Variants in NOL4L observed in about 807,000 individuals in gnomAD.
NOL4L encodes nucleolar protein 4-like.
Under a neutral mutation model 64.5 loss-of-function variants are expected in NOL4L, and 7 were observed. That is an observed-to-expected ratio of 0.11 (90% CI 0.06 to 0.20). The LOEUF is 0.20. Among genes scored for constraint, NOL4L ranks in the 10% least tolerant of loss-of-function variants. The pLI, the probability that NOL4L is intolerant of heterozygous loss-of-function variation, is 1.00. For synonymous variants in NOL4L, 413 were observed against 401.0 expected (o/e 1.03, Z -0.36); for missense variants, 680 against 967.1 (o/e 0.70, Z 3.94).
At chr20:32,455,597 G>A (rs1247743919) in intron 6 of NOL4L, among the ~76,000 whole-genome samples, 4 of 152,320 alleles carry the variant, frequency 2.6e-5, no homozygotes, top group African/African-American at 4.8e-5. Flanking sequence ...AGGAAGCAGG[G>A]GGGATGCCCA....
chr20:32,576,701 C>T (rs1249116740), intron 1 of NOL4L, among the ~76,000 whole-genome samples: 1 of 152,178 alleles, frequency 6.6e-6, no homozygotes, highest in Non-Finnish European at 1.5e-5. Context: ...TCTGCCGTCT[C>T]CCCACTCCCC....
intron 4 of NOL4L, among the ~76,000 whole-genome samples, chr20:32,504,583 GAAAA>G (rs1265330269): frequency 8.1e-5 from 12 of 147,488 alleles, no homozygotes; most frequent in African/African-American, 3.0e-4. Flanking sequence ...AAGAAAGAAA[GAAAA>G]AAACATCTCA....
At chr20:32,537,147 G>A in intron 1 of NOL4L, 1 of 982,538 alleles carries the variant, frequency 1.0e-6, no homozygotes, top group Non-Finnish European at 1.2e-6. Context: ...CGCCCGCTAT[G>A]TGCCAGGCGC....
intron 4 of NOL4L, among the ~76,000 whole-genome samples, chr20:32,505,534 T>C (rs1387095747): frequency 5.3e-5 from 8 of 152,056 alleles, no homozygotes; most frequent in Admixed American, 5.2e-4. Context: ...CCAGACAACA[T>C]GGCGAAACCA....
At position 32,474,773 on chromosome 20, in the gene NOL4L, GC is replaced by G. The variant is rs927835346; in HGVS notation, c.700-32del. Reference sequence around the variant, plus strand: ...CAGGGACAAAGAAGGTGGGCATTCAGCAGGGACGGGCTCTCATCAGCCTGAG... The same window carrying G: ...CAGGGACAAAGAAGGTGGGCATTCAGAGGGACGGGCTCTCATCAGCCTGAG... On this transcript the variant is annotated intron_variant, in intron 4 of 10. Coordinates refer to ENST00000621426, the MANE Select transcript of NOL4L (RefSeq NM_001256798.2). 1.9e-6 allele frequency: 3 copies of G among 1,567,858 alleles called. No homozygotes were observed. In the African/African-American group the frequency reaches 4.1e-5, roughly 21 times the overall value.
chr20:32,452,907 G>A lies in NOL4L; in HGVS notation c.1597C>T (p.Leu533=). The A allele has an allele frequency of 6.2e-7, 1 of 1,614,058 alleles. No individual in the cohort carries two copies. The stretch of plus-strand genomic sequence containing the variant: ...ACCTGTGAGGACTGGTAGATCTCTA[G>A]ACGCATCCGCTTGGCTGCCTTTCTT... ...ETRKAAKRMR[L]EIYQSSQDEP... Residue 533 remains leucine (L), a synonymous_variant, in exon 9 of 11, where the codon CTA becomes TTA. Transcript: ENST00000621426.
At chr20:32,479,270 A>C (rs908922262) in intron 4 of NOL4L, among the ~76,000 whole-genome samples, 1 of 152,260 alleles carries the variant, frequency 6.6e-6, no homozygotes, top group African/African-American at 2.4e-5. Flanking sequence ...GCACTGGTGC[A>C]GGTTTGAGAG....
chr20:32,453,096 G>T lies in NOL4L; in HGVS notation c.1498-90C>A, dbSNP rs2013102150. ...CCTGCCCCAGGGGTGGGTGGCACAGGGTGGGGTTTGGGCTCCAGCGCCTCA... is the reference window on the plus strand; with the variant it reads ...CCTGCCCCAGGGGTGGGTGGCACAGTGTGGGGTTTGGGCTCCAGCGCCTCA... On this transcript the variant is annotated intron_variant, in intron 8 of 10. Coordinates refer to ENST00000621426, the MANE Select transcript of NOL4L (RefSeq NM_001256798.2). The surrounding 1 kb of genome is among the most constrained non-coding windows in gnomAD (Gnocchi z 5.6). 19 of 1,564,570 alleles carry T rather than the reference G, an allele frequency of 1.2e-5. No homozygotes were observed. The South Asian group carries it at 2.0e-4, about 17-fold the overall frequency.
chr20:32,475,513 C>A (rs986100405), intron 4 of NOL4L, among the ~76,000 whole-genome samples: 1 of 152,236 alleles, frequency 6.6e-6, no homozygotes, highest in Non-Finnish European at 1.5e-5. Context: ...GGCTTCGGGC[C>A]GGCCCTTGGC....
intron 2 of NOL4L, among the ~76,000 whole-genome samples, chr20:32,524,500 C>T (rs1057066684): frequency 3.9e-5 from 6 of 152,200 alleles, no homozygotes; most frequent in African/African-American, 7.2e-5. Flanking sequence ...AGTCTGCCAC[C>T]GCCCTGCCAG....
intron 4 of NOL4L, among the ~76,000 whole-genome samples, chr20:32,476,411 G>T (rs575468884): frequency 6.6e-6 from 1 of 152,206 alleles, no homozygotes; most frequent in Non-Finnish European, 1.5e-5. Context: ...CCAGCTGGTC[G>T]TGCCATGCGG....
chr20:32,527,945 C>T lies in NOL4L; in HGVS notation c.322-32G>A, dbSNP rs756621091. 5 of 1,541,844 alleles carry T rather than the reference C, an allele frequency of 3.2e-6. No homozygotes were observed. In the South Asian group the frequency reaches 6.0e-5, roughly 19 times the overall value. ...CAGGGTGGACAAGCTGTGTTAGTGT[C>T]AGGAATGATGGCGGGGTGAGAACTG... On this transcript the variant is annotated intron_variant, in intron 1 of 10. Transcript: ENST00000621426.
At chr20:32,450,581 G>C (rs1242738992) in intron 10 of NOL4L, among the ~76,000 whole-genome samples, 1 of 152,192 alleles carries the variant, frequency 6.6e-6, no homozygotes, top group Non-Finnish European at 1.5e-5. Context: ...GGGCAGGTGT[G>C]AACGGGCAGG....
chr20:32,465,114 G>A lies in NOL4L; in HGVS notation c.842-8719C>T. The A allele has an allele frequency of 1.1e-5, 6 of 532,416 alleles. No homozygotes were observed. In the South Asian group the frequency reaches 1.3e-4, roughly 12 times the overall value. 33.0% of individuals were successfully genotyped at this position (532,416 alleles called of 1,614,324 possible). ...TTGGGACAGGTGGCTCAAGCGGTGG[G>A]GCCCTGGAGACAGACACCACCTTCA... is the stretch of plus-strand genomic sequence containing the variant. On this transcript the variant is annotated intron_variant, in intron 5 of 10. Coordinates refer to ENST00000621426, the MANE Select transcript of NOL4L (RefSeq NM_001256798.2).
chr20:32,490,781 A>C (rs2016435216), intron 4 of NOL4L, among the ~76,000 whole-genome samples: 1 of 152,252 alleles, frequency 6.6e-6, no homozygotes, highest in Admixed American at 6.5e-5. Flanking sequence ...GTCTTGCTTT[A>C]AAATGTCATC....
At chr20:32,529,644 G>A (rs562965308) in intron 1 of NOL4L, among the ~76,000 whole-genome samples, 25 of 152,350 alleles carry the variant, frequency 1.6e-4, no homozygotes, top group Non-Finnish European at 2.2e-4. Flanking sequence ...GGGGCAAAGG[G>A]CATCTGGGAT....
chr20:32,468,803 G>A (rs1481418084), intron 5 of NOL4L, among the ~76,000 whole-genome samples: 1 of 151,438 alleles, frequency 6.6e-6, no homozygotes, highest in Non-Finnish European at 1.5e-5. Context: ...GGAGGCTGAG[G>A]CAGGACAATT....
At chr20:32,467,453 C>A (rs1470582096) in intron 5 of NOL4L, among the ~76,000 whole-genome samples, 1 of 152,060 alleles carries the variant, frequency 6.6e-6, no homozygotes, top group South Asian at 2.1e-4. Context: ...ACAACCCGGG[C>A]GGTGGTTGGG....
At chr20:32,493,141 G>T (rs533637563) in intron 4 of NOL4L, among the ~76,000 whole-genome samples, 1 of 152,340 alleles carries the variant, frequency 6.6e-6, no homozygotes, top group South Asian at 2.1e-4. Flanking sequence ...TTGGAAGCCT[G>T]AAGGGATGAA....
Sources: gnomAD v4.1 joint callset for allele counts (sites outside exome capture counted in the v4.1 genomes callset) on GRCh38, gnomAD v4.1.1 for gene constraint, Gnocchi (gnomAD v3.1) non-coding constraint, MANE v1.5 for transcripts, NCBI Gene and HGNC (gene_info 2026-07-23, HGNC 2026-07-21) for gene names.